NFATC1: variants seen among roughly 807,000 people sequenced by gnomAD.
NFATC1 encodes the protein nuclear factor of activated T-cells, cytoplasmic 1.
NFATC1 carries 22 observed loss-of-function variants against 76.0 expected under a neutral mutation model. The observed-to-expected ratio is 0.29, with a 90% confidence interval of 0.21 to 0.41. The LOEUF (loss-of-function observed/expected upper bound fraction) is 0.41. Among genes scored for constraint, NFATC1 ranks in the 10% least tolerant of loss-of-function variants. NFATC1 has a pLI of 1.00. For synonymous variants in NFATC1, 704 were observed against 613.1 expected (o/e 1.15, Z -2.19); for missense variants, 1,357 against 1,337.7 (o/e 1.01, Z -0.23).
intron 2 of NFATC1, among the ~76,000 whole-genome samples, 192 bp downstream of exon 2, chr18:79,411,693 CTT>C (rs1451234777): frequency 1.3e-5 from 2 of 152,170 alleles, no homozygotes; most frequent in Non-Finnish European, 2.9e-5. Flanking sequence ...CTCATGCAGA[CTT>C]TTCCTTGTGC....
Position 79,433,528 on chromosome 18 carries a change from G to A in NFATC1, c.1227-51G>A, listed in dbSNP as rs372199398. ...GGGTGAGCACGGGCACGTGTGGCCCGGGCGAGGTCTGTGTGGTGCTGAACG... is the reference window on the plus strand; with the variant it reads ...GGGTGAGCACGGGCACGTGTGGCCCAGGCGAGGTCTGTGTGGTGCTGAACG... On this transcript the variant is annotated intron_variant, in intron 2 of 9. Coordinates refer to ENST00000427363, the MANE Select transcript of NFATC1 (RefSeq NM_001278669.2). The A allele has an allele frequency of 7.8e-5, 125 of 1,609,160 alleles. 2 individuals carry two copies. The highest frequency in any genetic ancestry group is 7.3e-4 in the South Asian group (66 of 90,922).
intron 3 of NFATC1, among the ~76,000 whole-genome samples, chr18:79,446,299 C>T (rs1421728512): frequency 1.3e-5 from 2 of 152,298 alleles, no homozygotes; most frequent in African/African-American, 2.4e-5. Flanking sequence ...CAGCATTCCA[C>T]ACACCATCAG....
At chr18:79,510,609 C>A (rs150179398) in intron 9 of NFATC1, among the ~76,000 whole-genome samples, 1 of 152,212 alleles carries the variant, frequency 6.6e-6, no homozygotes, top group Admixed American at 6.5e-5. Flanking sequence ...ATGTGGGAAA[C>A]GCAGTGTCAT....
intron 9 of NFATC1, among the ~76,000 whole-genome samples, chr18:79,504,518 C>T (rs1362410340): frequency 6.6e-6 from 1 of 152,014 alleles, no homozygotes; most frequent in East Asian, 1.9e-4. Context: ...ACAACAGTAA[C>T]CCCAAAGATC....
intron 6 of NFATC1, among the ~76,000 whole-genome samples, chr18:79,453,640 A>G (rs1218643590): frequency 5.3e-5 from 8 of 152,204 alleles, no homozygotes; most frequent in Admixed American, 5.2e-4. Flanking sequence ...CCATGAGGTC[A>G]GGGTGGGTCT....
intron 2 of NFATC1, among the ~76,000 whole-genome samples, chr18:79,431,297 C>T (rs905746713): frequency 6.6e-6 from 1 of 152,220 alleles, no homozygotes; most frequent in African/African-American, 2.4e-5. Context: ...TAGTTGATTC[C>T]ATTCAAGCTG....
intron 9 of NFATC1, among the ~76,000 whole-genome samples, chr18:79,521,267 G>A (rs1428568482): frequency 5.2e-5 from 4 of 76,736 alleles, no homozygotes; most frequent in Non-Finnish European, 7.5e-5. Flanking sequence ...GTGTGTGGGG[G>A]CATCCGCTGA....
At chr18:79,450,907 C>T in intron 4 of NFATC1, 47 bp from the exon 5 acceptor site, 1 of 1,584,936 alleles carries the variant, frequency 6.3e-7, no homozygotes, top group Non-Finnish European at 8.6e-7. Flanking sequence ...CTTTACGCTC[C>T]CGCGTCAGCC....
intron 9 of NFATC1, 113 bp downstream of exon 9, chr18:79,487,050 C>G: frequency 8.0e-7 from 1 of 1,254,398 alleles, no homozygotes. Context: ...CACCGAGGCA[C>G]CGGGCAGGGT....
At chr18:79,451,150 C>T (rs774692236) in intron 5 of NFATC1, 24 bp downstream of exon 5, 33 of 1,596,672 alleles carry the variant, frequency 2.1e-5, no homozygotes, top group Middle Eastern at 1.7e-4. Context: ...CACGCGCCCA[C>T]AGGGGAGGAA....
chr18:79,396,129 A>C lies in NFATC1; in HGVS notation c.-96A>C. 1.6e-6 allele frequency: 2 copies of C among 1,243,238 alleles called. No homozygotes were observed. Among genetic ancestry groups the C allele is most frequent in the Non-Finnish European group, 1.0e-6 (1 of 979,778 alleles). The allele number at this position is 1,243,238 out of a possible 1,614,324, so 77.0% of individuals were successfully genotyped here. On this transcript the variant is annotated 5_prime_UTR_variant, in exon 1 of 10. Coordinates refer to ENST00000427363, the MANE Select transcript of NFATC1 (RefSeq NM_001278669.2). ...GGCGCGCGGCGCTGAGCCCGGGGCG[A>C]GGGCTGTCTTCCCGGAGACCCGACC... is the stretch of plus-strand genomic sequence containing the variant.
chr18:79,476,686 TCACCCCGACCGA>T (rs1431358672), intron 8 of NFATC1, among the ~76,000 whole-genome samples: 1 of 152,176 alleles, frequency 6.6e-6, no homozygotes, highest in African/African-American at 2.4e-5. Context: ...GGGAATTCTC[TCACCCCGACCGA>T]CACACAGGAT....
At chr18:79,404,183 C>T (rs1173194120) in intron 1 of NFATC1, among the ~76,000 whole-genome samples, 1 of 152,236 alleles carries the variant, frequency 6.6e-6, no homozygotes, top group Non-Finnish European at 1.5e-5. Flanking sequence ...TATTCCAGTA[C>T]CTCTGAGGAA....
At chr18:79,452,365 T>G (rs1407903856) in intron 6 of NFATC1, among the ~76,000 whole-genome samples, 1 of 152,134 alleles carries the variant, frequency 6.6e-6, no homozygotes, top group South Asian at 2.1e-4. Flanking sequence ...TGCCTCCAGG[T>G]GTTGCGCTGG....
intron 9 of NFATC1, among the ~76,000 whole-genome samples, chr18:79,525,004 C>CA (rs1262127542): frequency 6.6e-6 from 1 of 151,792 alleles, no homozygotes; most frequent in Admixed American, 6.6e-5. Flanking sequence ...CGCCTCCCCA[C>CA]ATCCCATCAT....
chr18:79,449,116 G>A, intron 4 of NFATC1, 132 bp downstream of exon 4: 2 of 787,502 alleles, frequency 2.5e-6, no homozygotes, highest in Middle Eastern at 3.7e-4. Context: ...TGGTTTAACA[G>A]CCAATAAGTA....
At chr18:79,402,786 C>T (rs890312139) in intron 1 of NFATC1, among the ~76,000 whole-genome samples, 4 of 152,228 alleles carry the variant, frequency 2.6e-5, no homozygotes, top group African/African-American at 7.2e-5. Context: ...ACCATTATTA[C>T]TGCATTTTGA....
chr18:79,445,571 C>T (rs2087173833), intron 3 of NFATC1, among the ~76,000 whole-genome samples: 1 of 152,252 alleles, frequency 6.6e-6, no homozygotes, highest in South Asian at 2.1e-4. Context: ...GCGTGGCAAT[C>T]TCTCAAATTA....
rs931371964 is a variant in NFATC1 at position 79,514,588 on chromosome 18, A to C, written c.2783-12940A>C. Reference sequence around the variant, plus strand: ...TCAAAAAAAAAAAAAAAAAAAAAAAAAAACCAATCTCACTCCCCACCCCCA... The same window carrying C: ...TCAAAAAAAAAAAAAAAAAAAAAAACAAACCAATCTCACTCCCCACCCCCA... On this transcript the variant is annotated intron_variant, in intron 9 of 9. Transcript: ENST00000427363. 4.5e-3 allele frequency among the ~76,000 whole-genome samples: 666 copies of C among 148,036 alleles called. 5 individuals carry two copies. Among genetic ancestry groups the C allele is most frequent in the Non-Finnish European group, 8.9e-3 (590 of 66,254 alleles).
Sources: allele counts gnomAD v4.1 joint callset (sites outside exome capture counted in the v4.1 genomes callset), GRCh38; gene constraint gnomAD v4.1.1; transcripts MANE v1.5; gene names NCBI Gene and HGNC (gene_info 2026-07-23, HGNC 2026-07-21).